The following LRP1B variants were observed in gnomAD, a reference collection of about 807,000 sequenced individuals.
LRP1B encodes the protein LDL receptor related protein 1B, also known as low-density lipoprotein receptor-related protein 1B.
LRP1B carries 217 observed loss-of-function variants against 556.6 expected under a neutral mutation model. That is an observed-to-expected ratio of 0.39 (90% confidence interval 0.35 to 0.44). The LOEUF (loss-of-function observed/expected upper bound fraction) is 0.44. LRP1B is among the 20% of genes least tolerant of loss of function. LRP1B has a pLI of 1.00. For missense variants in LRP1B, 5,053 were observed against 5,620.8 expected (o/e 0.90, Z 3.23); for synonymous variants, 2,047 against 1,865.8 (o/e 1.10, Z -2.50).
At chr2:140,416,152 C>T (rs1340156637) in intron 66 of LRP1B, among the ~76,000 whole-genome samples, 1 of 152,152 alleles carries the variant, frequency 6.6e-6, no homozygotes, top group African/African-American at 2.4e-5. Flanking sequence ...TGAACTCTGC[C>T]TCCTGTCTGA....
intron 3 of LRP1B, among the ~76,000 whole-genome samples, chr2:141,420,055 T>C (rs1193301513): frequency 6.6e-6 from 1 of 152,242 alleles, no homozygotes; most frequent in Non-Finnish European, 1.5e-5. Flanking sequence ...TAAAGCCCTC[T>C]GCTTCCTTAT....
intron 20 of LRP1B, among the ~76,000 whole-genome samples, chr2:140,938,946 A>C (rs1308496387): frequency 1.3e-5 from 2 of 152,112 alleles, no homozygotes; most frequent in African/African-American, 4.8e-5. Flanking sequence ...ACAGCCTGTC[A>C]GTTTTATTTT....
chr2:141,393,974 C>A (rs192130187), intron 3 of LRP1B, among the ~76,000 whole-genome samples: 1 of 152,086 alleles, frequency 6.6e-6, no homozygotes, highest in African/African-American at 2.4e-5. Flanking sequence ...TAATCTGTAT[C>A]TATTATATGA....
intron 2 of LRP1B, among the ~76,000 whole-genome samples, chr2:141,543,097 T>C (rs1310667419): frequency 6.6e-6 from 1 of 152,126 alleles, no homozygotes; most frequent in African/African-American, 2.4e-5. Context: ...TCCATTACTA[T>C]GAAGATAAGC....
chr2:141,931,965 A>C (rs915498952), intron 1 of LRP1B, among the ~76,000 whole-genome samples: 2 of 152,126 alleles, frequency 1.3e-5, no homozygotes, highest in African/African-American at 2.4e-5. Flanking sequence ...ATGAGGATTT[A>C]ATAGGTGTTT....
chr2:140,891,428 A>G (rs539481457), intron 23 of LRP1B, among the ~76,000 whole-genome samples: 1 of 152,192 alleles, frequency 6.6e-6, no homozygotes, highest in Non-Finnish European at 1.5e-5. Flanking sequence ...CTGATTCTTT[A>G]CCATATATAT....
intron 3 of LRP1B, among the ~76,000 whole-genome samples, chr2:141,437,868 CT>C (rs1680821027): frequency 6.6e-6 from 1 of 151,964 alleles, no homozygotes; most frequent in Non-Finnish European, 1.5e-5. Flanking sequence ...GAACTAAGAC[CT>C]TCTGCAAGGT....
At chr2:140,922,881 A>G in intron 21 of LRP1B, 84 bp downstream of exon 21, 1 of 1,162,604 alleles carries the variant, frequency 8.6e-7, no homozygotes. Flanking sequence ...ACTTTTTACA[A>G]AGGTGAGATA....
chr2:141,032,949 C>T (rs1698419978), intron 11 of LRP1B, among the ~76,000 whole-genome samples: 1 of 151,660 alleles, frequency 6.6e-6, no homozygotes, highest in African/African-American at 2.4e-5. Flanking sequence ...CATGCACATC[C>T]CCTACATGGG....
intron 35 of LRP1B, among the ~76,000 whole-genome samples, chr2:140,746,931 A>C (rs1530260): frequency 0.49 from 73,774 of 151,818 alleles, 19,096 homozygotes; most frequent in Non-Finnish European, 0.59. Flanking sequence ...TGAAAAATTA[A>C]GAAAAAAAAT....
chr2:140,441,425 C>T (rs1324905124), intron 66 of LRP1B, among the ~76,000 whole-genome samples: 1 of 152,086 alleles, frequency 6.6e-6, no homozygotes, highest in Non-Finnish European at 1.5e-5. Context: ...ACAAATTCTA[C>T]AAAGTGGCAA....
chr2:141,846,352 A>G (rs1697643662), intron 1 of LRP1B, among the ~76,000 whole-genome samples: 1 of 151,646 alleles, frequency 6.6e-6, no homozygotes, highest in Non-Finnish European at 1.5e-5. Context: ...ATGTAAATAA[A>G]CCATTAATCA....
At chr2:141,491,015 T>C (rs1379485629) in intron 2 of LRP1B, among the ~76,000 whole-genome samples, 4 of 151,756 alleles carry the variant, frequency 2.6e-5, no homozygotes, top group African/African-American at 9.7e-5. Flanking sequence ...TCATGGGTGA[T>C]ACATGTGCAT....
intron 35 of LRP1B, among the ~76,000 whole-genome samples, chr2:140,743,083 G>A (rs1688193418): frequency 6.6e-6 from 1 of 152,000 alleles, no homozygotes; most frequent in South Asian, 2.1e-4. Flanking sequence ...AATGCAAACA[G>A]TATTTGCCAA....
chr2:141,159,392 TG>T (rs1309581759), intron 7 of LRP1B, among the ~76,000 whole-genome samples: 8 of 152,112 alleles, frequency 5.3e-5, no homozygotes, highest in Non-Finnish European at 8.8e-5. Context: ...TTTTTATTTT[TG>T]TTTTTTTGTT....
chr2:141,749,687 G>A (rs1308388950), intron 2 of LRP1B, among the ~76,000 whole-genome samples: 2 of 152,114 alleles, frequency 1.3e-5, no homozygotes, highest in Non-Finnish European at 2.9e-5. Context: ...AGGATACTAA[G>A]GAGAATAGAA....
chr2:140,847,046 G>T lies in LRP1B; in HGVS notation c.4939+3056C>A, dbSNP rs1156808038. Among the ~76,000 whole-genome samples, 5 of 152,148 alleles carry T rather than the reference G, an allele frequency of 3.3e-5. No individual in the cohort carries two copies. In the East Asian group the frequency reaches 9.6e-4, roughly 29 times the overall value. On this transcript the variant is annotated intron_variant, in intron 29 of 90. Transcript: ENST00000389484. ...CCTCAAACTTTATGTCCAATTGATT[G>T]TTAAGTTCCTTTATGTTCTTACTCT...
At chr2:141,215,429 T>C (rs775017071) in intron 6 of LRP1B, among the ~76,000 whole-genome samples, 11 of 152,138 alleles carry the variant, frequency 7.2e-5, no homozygotes, top group Admixed American at 1.3e-4. Flanking sequence ...GCTATAAAGA[T>C]ACCAGAAAAT....
intron 2 of LRP1B, among the ~76,000 whole-genome samples, chr2:141,727,725 T>C (rs1243589605): frequency 6.6e-5 from 10 of 152,148 alleles, no homozygotes; most frequent in Admixed American, 6.6e-4. Flanking sequence ...TTGAAATGTG[T>C]CATGAGAGTT....
Sources: allele counts gnomAD v4.1 joint callset (sites outside exome capture counted in the v4.1 genomes callset), GRCh38; gene constraint gnomAD v4.1.1; transcripts MANE v1.5; gene names NCBI Gene and HGNC (gene_info 2026-07-23, HGNC 2026-07-21).